Variants in ZC3H12B observed in about 807,000 individuals in gnomAD.
ZC3H12B encodes the protein probable ribonuclease ZC3H12B.
ZC3H12B carries 7 observed loss-of-function variants against 43.9 expected under a neutral mutation model. The ratio of observed to expected loss-of-function variants is 0.16; its 90% CI spans 0.09 to 0.30. The LOEUF is 0.30. Ranked by LOEUF, ZC3H12B falls within the 10% of genes least tolerant of loss-of-function variation. ZC3H12B has a pLI of 1.00. For missense variants in ZC3H12B, 475 were observed against 670.2 expected, an observed-to-expected ratio of 0.71 and a Z score of 3.22; for synonymous variants, 222 against 241.7, an observed-to-expected ratio of 0.92 and a Z score of 0.76.
intron 3 of ZC3H12B, among the ~76,000 whole-genome samples, chrX:65,434,823 T>C (rs1055134836): frequency 9.0e-6 from 1 of 111,134 alleles, no homozygotes; most frequent in East Asian, 2.8e-4. Context: ...GCCATTACTG[T>C]CTTTTCAGGC....
chrX:65,450,933 A>G (rs1480809039), intron 3 of ZC3H12B, among the ~76,000 whole-genome samples: 1 of 98,967 alleles, frequency 1.0e-5, no homozygotes, highest in Non-Finnish European at 2.0e-5. Context: ...ATATATATAT[A>G]TACACATACA....
intron 3 of ZC3H12B, among the ~76,000 whole-genome samples, chrX:65,431,962 G>A (rs140591422): frequency 0.01 from 1,147 of 112,041 alleles, 3 homozygotes; most frequent in Middle Eastern, 0.019. Context: ...TTTGAGTGGT[G>A]CATGTGTATC....
chrX:65,467,466 C>T (rs1339067606), intron 3 of ZC3H12B, among the ~76,000 whole-genome samples: 1 of 110,761 alleles, frequency 9.0e-6, no homozygotes, highest in Non-Finnish European at 1.9e-5. Flanking sequence ...GGATAGATAC[C>T]CAGTAGTGGG....
At chrX:65,078,946 C>A in the ZC3H12B span, among the ~76,000 whole-genome samples, 1 of 108,186 alleles carries the variant, frequency 9.2e-6, no homozygotes, top group East Asian at 2.8e-4. Context: ...CCATTTTTTG[C>A]TATCAAATAT....
At chrX:65,173,131 C>T in the ZC3H12B span, among the ~76,000 whole-genome samples, 1 of 111,568 alleles carries the variant, frequency 9.0e-6, no homozygotes, top group Non-Finnish European at 1.9e-5. Flanking sequence ...TGAAGACGTC[C>T]TTCCTGTGCC....
At chrX:65,262,131 CA>C in the ZC3H12B span, among the ~76,000 whole-genome samples, 1 of 110,882 alleles carries the variant, frequency 9.0e-6, no homozygotes, top group East Asian at 2.8e-4. Context: ...ATCTCTTTCC[CA>C]AATATAACCT....
At chrX:65,150,201 G>T in the ZC3H12B span, among the ~76,000 whole-genome samples, 1 of 109,871 alleles carries the variant, frequency 9.1e-6, no homozygotes, top group Middle Eastern at 4.3e-3. Context: ...TTGCACTATG[G>T]CTACTGAACA....
chrX:65,263,702 T>A, the ZC3H12B span, among the ~76,000 whole-genome samples: 1 of 111,592 alleles, frequency 9.0e-6, no homozygotes, highest in Admixed American at 9.6e-5. Context: ...AGTGGATGTT[T>A]CCTGCTGTTG....
chrX:65,185,790 A>G, the ZC3H12B span: 1 of 111,467 alleles, frequency 9.0e-6, no homozygotes, highest in Non-Finnish European at 1.9e-5. Flanking sequence ...AGGAACTTCA[A>G]GCAGAATTAA....
At chrX:65,248,280 T>C in the ZC3H12B span, among the ~76,000 whole-genome samples, 2 of 111,300 alleles carry the variant, frequency 1.8e-5, no homozygotes, top group Non-Finnish European at 3.8e-5. Flanking sequence ...TCAGGTGACC[T>C]TAGCCTCCCA....
At chrX:65,164,942 C>G in the ZC3H12B span, among the ~76,000 whole-genome samples, 1 of 111,811 alleles carries the variant, frequency 8.9e-6, no homozygotes, top group Admixed American at 9.6e-5. Context: ...AAAATAAAAT[C>G]AATCATACTA....
the ZC3H12B span, among the ~76,000 whole-genome samples, chrX:65,100,502 A>G: frequency 1.0e-5 from 1 of 96,562 alleles, no homozygotes; most frequent in Admixed American, 1.2e-4. Flanking sequence ...CCCATTTCAC[A>G]TGCAGAGACA....
chrX:65,388,162 T>C (rs924704957), intron 2 of ZC3H12B, among the ~76,000 whole-genome samples: 3 of 111,562 alleles, frequency 2.7e-5, no homozygotes, highest in African/African-American at 9.8e-5. Context: ...GCATTCTCTG[T>C]ATTTCCTGAA....
the ZC3H12B span, among the ~76,000 whole-genome samples, chrX:65,090,222 T>A: frequency 2.7e-5 from 3 of 111,971 alleles, no homozygotes; most frequent in Non-Finnish European, 5.6e-5. Flanking sequence ...TTGCAGTGAC[T>A]GTGATGTCAC....
chrX:65,190,883 C>T, the ZC3H12B span, among the ~76,000 whole-genome samples: 20 of 105,843 alleles, frequency 1.9e-4, no homozygotes, highest in African/African-American at 6.8e-4. Flanking sequence ...TGCCAGTTTT[C>T]AAAGGGAATG....
the ZC3H12B span, among the ~76,000 whole-genome samples, chrX:65,232,406 A>G: frequency 9.0e-6 from 1 of 111,492 alleles, no homozygotes; most frequent in African/African-American, 3.3e-5. Context: ...AACATGCAAT[A>G]TAAAAAGATG....
the ZC3H12B span, among the ~76,000 whole-genome samples, chrX:65,209,592 C>T: frequency 3.7e-5 from 4 of 107,157 alleles, no homozygotes; most frequent in Admixed American, 1.0e-4. Context: ...GAGAGCTTTA[C>T]TTCCAACTAT....
chrX:65,499,760 G>GCAGATTA, intron 3 of ZC3H12B, 123 bp from the exon 9 acceptor site: 1 of 528,317 alleles, frequency 1.9e-6, no homozygotes, highest in Non-Finnish European at 3.3e-6. Context: ...ATAGACTTGA[G>GCAGATTA]GCAGGAAGGG....
the ZC3H12B span, among the ~76,000 whole-genome samples, chrX:65,119,155 G>T: frequency 5.4e-5 from 6 of 111,598 alleles, no homozygotes; most frequent in African/African-American, 1.3e-4. Flanking sequence ...AATCCTTTGG[G>T]TGTATACCCA....
Sources: allele counts gnomAD v4.1 joint callset (sites outside exome capture counted in the v4.1 genomes callset), GRCh38; gene constraint gnomAD v4.1.1; transcripts MANE v1.5; gene names NCBI Gene and HGNC (gene_info 2026-07-23, HGNC 2026-07-21).